MYO3A: variants seen among roughly 807,000 people sequenced by gnomAD.
The protein encoded by MYO3A is myosin-IIIa.
Under a neutral mutation model 192.7 loss-of-function variants are expected in MYO3A, and 180 were observed. The observed-to-expected ratio is 0.93, with a 90% CI of 0.83 to 1.06. The LOEUF (loss-of-function observed/expected upper bound fraction) is 1.06. Ranked by LOEUF, MYO3A falls within the 50% of genes least tolerant of loss-of-function variation. The pLI is 0.00. For synonymous variants in MYO3A, 628 were observed against 645.3 expected (o/e 0.97, Z 0.41); for missense variants, 1,896 against 1,905.0 (o/e 1.00, Z 0.09).
intron 12 of MYO3A, among the ~76,000 whole-genome samples, chr10:26,069,608 G>C (rs755425353): frequency 6.6e-6 from 1 of 151,936 alleles, no homozygotes; most frequent in Non-Finnish European, 1.5e-5. Context: ...TATGAGCCTT[G>C]ACCTATGTTT....
intron 4 of MYO3A, among the ~76,000 whole-genome samples, chr10:25,958,378 T>A (rs747918220): frequency 1.3e-5 from 2 of 152,228 alleles, no homozygotes; most frequent in Non-Finnish European, 2.9e-5. Context: ...TTTTGTCAGC[T>A]TTGTCAAAGT....
At chr10:25,980,794 T>C (rs146501242) in intron 4 of MYO3A, among the ~76,000 whole-genome samples, 75 of 152,314 alleles carry the variant, frequency 4.9e-4, no homozygotes, top group African/African-American at 1.7e-3. Flanking sequence ...CTATATAAGC[T>C]TCATCTTGTA....
intron 32 of MYO3A, among the ~76,000 whole-genome samples, chr10:26,200,292 C>T (rs989825458): frequency 2.1e-4 from 32 of 152,186 alleles, no homozygotes; most frequent in Admixed American, 3.3e-4. Flanking sequence ...TACTGTGTCT[C>T]TAAGAATACT....
rs1839344026 is a variant in MYO3A, at chr10:26,128,476, A to G, written c.2200A>G (p.Ile734Val). Residue 734 changes from isoleucine to valine, a missense_variant, in exon 20 of 35, where the codon ATT becomes GTT. By Grantham distance (29) the Ile-to-Val change is conservative. Coordinates refer to ENST00000642920, the MANE Select transcript of MYO3A (RefSeq NM_017433.5). ...FKKNSFEQLC[I>V]NIANEQIQYY... is the part of the protein sequence containing the mutation. ...AAAAAATTCCTTCGAGCAGCTGTGC[A>G]TTAACATTGCAAATGAACAAATTCA... The G allele has an allele frequency of 1.9e-6, 3 of 1,612,868 alleles. No homozygotes were observed. The highest frequency in any genetic ancestry group is 1.1e-5 in the South Asian group (1 of 91,044).
chr10:26,199,871 T>A (rs1207059741), intron 32 of MYO3A, among the ~76,000 whole-genome samples: 1 of 152,124 alleles, frequency 6.6e-6, no homozygotes, highest in East Asian at 1.9e-4. Flanking sequence ...TTTTTTCAGG[T>A]AATGGATGAG....
chr10:26,196,851 A>T (rs1387833745), intron 32 of MYO3A, among the ~76,000 whole-genome samples: 1 of 152,162 alleles, frequency 6.6e-6, no homozygotes, highest in Non-Finnish European at 1.5e-5. Context: ...AATACATGTG[A>T]TATTTCGATA....
chr10:26,200,619 G>A (rs138410208), intron 32 of MYO3A, among the ~76,000 whole-genome samples: 1 of 152,166 alleles, frequency 6.6e-6, no homozygotes, highest in African/African-American at 2.4e-5. Flanking sequence ...GTTAGTGTTC[G>A]AATTGAAGTA....
chr10:26,101,783 C>T (rs1230399927), intron 17 of MYO3A, among the ~76,000 whole-genome samples: 1 of 152,214 alleles, frequency 6.6e-6, no homozygotes, highest in East Asian at 1.9e-4. Context: ...GTCTGATGGA[C>T]TTCCCTTTGT....
intron 3 of MYO3A, among the ~76,000 whole-genome samples, chr10:25,953,368 G>A (rs1837332575): frequency 1.3e-5 from 2 of 152,006 alleles, no homozygotes; most frequent in South Asian, 4.2e-4. Context: ...AAAGGTAGGG[G>A]AGGTTTATTT....
intron 10 of MYO3A, among the ~76,000 whole-genome samples, chr10:26,027,605 A>G (rs2131126117): frequency 6.6e-6 from 1 of 152,282 alleles, no homozygotes; most frequent in South Asian, 2.1e-4. Context: ...TCAGCCTCCC[A>G]AAAGACTAGG....
chr10:26,119,109 G>A (rs1381346199), intron 17 of MYO3A, among the ~76,000 whole-genome samples: 1 of 152,058 alleles, frequency 6.6e-6, no homozygotes, highest in African/African-American at 2.4e-5. Context: ...GTTCATGTCT[G>A]GTGCCTTCCT....
At chr10:26,197,562 T>G (rs1036273884) in intron 32 of MYO3A, among the ~76,000 whole-genome samples, 52 of 151,780 alleles carry the variant, frequency 3.4e-4, no homozygotes, top group African/African-American at 1.2e-3. Flanking sequence ...TTTTTTGTTG[T>G]TGTTGGTGGT....
intron 34 of MYO3A, 22 bp from the exon 35 acceptor site, chr10:26,211,821 G>T: frequency 6.2e-7 from 1 of 1,613,946 alleles, no homozygotes. Flanking sequence ...GTTGACACTT[G>T]GGCCCTGGGT....
chr10:25,987,410 T>C (rs907587820), intron 4 of MYO3A, among the ~76,000 whole-genome samples: 1 of 152,122 alleles, frequency 6.6e-6, no homozygotes, highest in Non-Finnish European at 1.5e-5. Flanking sequence ...AAATAATCAG[T>C]AGAGTTAGCA....
rs1554816581 is a variant in MYO3A at position 26,062,530 on chromosome 10, A to AAAAAAAAAAAAAAAAAAG, written c.954-4442_954-4441insAAAAAAAAAAAAAAGAAA. On this transcript the variant is annotated intron_variant, in intron 10 of 34. Coordinates refer to ENST00000642920, the MANE Select transcript of MYO3A (RefSeq NM_017433.5). ...GATGCCATCTCAAAAAAAAAAAAAAAAAATTATGGAGGAATCTAATTAAGA... is the reference window on the plus strand; with the variant it reads ...GATGCCATCTCAAAAAAAAAAAAAAAAAAAAAAAAAAAAAAAAGAAATTATGGAGGAATCTAATTAAGA... Among the ~76,000 whole-genome samples the AAAAAAAAAAAAAAAAAAG allele has an allele frequency of 1.3e-4, 17 of 126,000 alleles. 2 individuals are homozygous for AAAAAAAAAAAAAAAAAAG. The highest frequency in any genetic ancestry group is 2.4e-4 in the Non-Finnish European group (14 of 58,506). The allele number at this position is 126,000 out of a possible 152,430, so 82.7% of individuals were successfully genotyped here.
intron 29 of MYO3A, among the ~76,000 whole-genome samples, chr10:26,172,706 C>T (rs749614822): frequency 4.0e-4 from 61 of 152,148 alleles, no homozygotes; most frequent in Non-Finnish European, 2.2e-4. Context: ...ATCTGATGCC[C>T]TACCTAGTTT....
chr10:25,994,132 T>A (rs1840260163), intron 4 of MYO3A, among the ~76,000 whole-genome samples: 1 of 152,178 alleles, frequency 6.6e-6, no homozygotes, highest in Admixed American at 6.5e-5. Context: ...CTCCCATTAT[T>A]ATTGTGTGGG....
At chr10:25,996,424 A>G in intron 4 of MYO3A, 66 bp from the exon 5 acceptor site, 1 of 1,362,578 alleles carries the variant, frequency 7.3e-7, no homozygotes, top group Non-Finnish European at 1.0e-6. Flanking sequence ...TCTTGGAAGA[A>G]CTTTTCTAGA....
rs145783032 is a variant in MYO3A, at chr10:26,062,989, A to T, written c.954-3986A>T. 7.6e-4 allele frequency among the ~76,000 whole-genome samples: 115 copies of T among 152,310 alleles called. 1 individual carries two copies. The highest frequency in any genetic ancestry group is 3.4e-3 in the Middle Eastern group (1 of 294). On this transcript the variant is annotated intron_variant, in intron 10 of 34. Coordinates refer to ENST00000642920, the MANE Select transcript of MYO3A (RefSeq NM_017433.5). ...CCATTGAAGAAGAGGGAAAATAGAT[A>T]TTGGAAGCTTGAAAGGTAGACATTT...
Sources: allele counts gnomAD v4.1 joint callset (sites outside exome capture counted in the v4.1 genomes callset), GRCh38; gene constraint gnomAD v4.1.1; transcripts MANE v1.5; gene names NCBI Gene and HGNC (gene_info 2026-07-23, HGNC 2026-07-21).